Variants in KIF1A observed in about 807,000 individuals in gnomAD.
KIF1A encodes kinesin family member 1A.
In KIF1A, 46 loss-of-function variants were observed where a neutral mutation model predicts 227.3. The ratio of observed to expected loss-of-function variants is 0.20; its 90% CI spans 0.16 to 0.26. The LOEUF (loss-of-function observed/expected upper bound fraction) is 0.26, where lower values mean the gene tolerates loss of function less well. KIF1A is among the 10% of genes least tolerant of loss of function. The pLI is 1.00. For missense variants in KIF1A, 1,683 were observed against 2,485.9 expected (o/e 0.68, Z 6.87); for synonymous variants, 1,022 against 1,012.8 (o/e 1.01, Z -0.17).
At chr2:240,747,693 C>T (rs1575566839) in intron 28 of KIF1A, among the ~76,000 whole-genome samples, 2 of 152,348 alleles carry the variant, frequency 1.3e-5, no homozygotes, top group African/African-American at 4.8e-5. Context: ...GTCCCACCTC[C>T]AGAATCACAA....
At chr2:240,780,446 C>G (rs2053504443) in intron 10 of KIF1A, among the ~76,000 whole-genome samples, 1 of 152,100 alleles carries the variant, frequency 6.6e-6, no homozygotes, top group African/African-American at 2.4e-5. Flanking sequence ...CTTCTCCACA[C>G]AGTCACATTC....
At chr2:240,723,714 T>C (rs1322843559) in intron 41 of KIF1A, among the ~76,000 whole-genome samples, 156 bp from the exon 42 acceptor site, 1 of 152,192 alleles carries the variant, frequency 6.6e-6, no homozygotes, top group Non-Finnish European at 1.5e-5. Context: ...AAGAGCCATG[T>C]AGGCCTCTTC....
chr2:240,759,514 C>T (rs1020056948), intron 25 of KIF1A, among the ~76,000 whole-genome samples: 3 of 152,174 alleles, frequency 2.0e-5, no homozygotes, highest in African/African-American at 4.8e-5. Context: ...TAAGCTGTCT[C>T]CCTGCTCTGC....
In KIF1A at chr2:240,767,321, C is replaced by T. The variant is rs1276695754; in HGVS notation, c.1522G>A (p.Glu508Lys). The change falls in exon 18 of 49, where the codon GAG (glutamate) becomes AAG (lysine). Residue 508 changes from glutamate to lysine, a missense_variant. Physicochemically the swap from Glu to Lys is moderately conservative, Grantham distance 56. Transcript: ENST00000498729. ...AGGCACTCAGACATCAGCGGGTCCT[C>T]GTTCAGGTTGACGAGGTGTGGTGTC... ...KKTPHLVNLN[E>K]DPLMSECLLY... 1.2e-6 allele frequency: 2 copies of T among 1,613,718 alleles called. No individual in the cohort carries two copies. The highest frequency in any genetic ancestry group is 1.7e-5 in the Admixed American group (1 of 60,006).
rs2055590598 is a variant in KIF1A at position 240,790,980 on chromosome 2, CA to C, written c.107-1669del. On this transcript the variant is annotated intron_variant, in intron 2 of 48. Coordinates refer to ENST00000498729, the MANE Select transcript of KIF1A (RefSeq NM_001244008.2). This position sits in a 1 kb window ranked among gnomAD's most constrained non-coding sequence, Gnocchi z 5.0. ...CTGGCCAAGCGTCTTGCTGACAGCA[CA>C]GGCATCACTGGCAGCCTTGTCGCCA... 6.6e-6 allele frequency among the ~76,000 whole-genome samples: 1 copy of C among 152,166 alleles called. No homozygotes were observed.
chr2:240,792,603 C>T lies in KIF1A; in HGVS notation c.107-3291G>A, dbSNP rs1485434389. Reference sequence around the variant, plus strand: ...TGGAATACAGCCGTTTTCTCAGAGTCTCAGCTTTCCTGCGGCCTTGAGCAC... The same window carrying T: ...TGGAATACAGCCGTTTTCTCAGAGTTTCAGCTTTCCTGCGGCCTTGAGCAC... On this transcript the variant is annotated intron_variant, in intron 2 of 48. Coordinates refer to ENST00000498729, the MANE Select transcript of KIF1A (RefSeq NM_001244008.2). This position sits in a 1 kb window ranked among gnomAD's most constrained non-coding sequence, Gnocchi z 4.5. Among the ~76,000 whole-genome samples, 1 of 152,104 alleles carries T rather than the reference C, an allele frequency of 6.6e-6. No homozygotes were observed. Among genetic ancestry groups the T allele is most frequent in the African/African-American group, 2.4e-5 (1 of 41,438 alleles).
In KIF1A at chr2:240,741,387, C is replaced by T. The variant is rs1306068974; in HGVS notation, c.3641-10G>A. The T allele has an allele frequency of 3.9e-6, 6 of 1,537,734 alleles. No individual in the cohort carries two copies. Among genetic ancestry groups the T allele is most frequent in the Non-Finnish European group, 5.2e-6 (6 of 1,144,242 alleles). Reference sequence around the variant, plus strand: ...AGCTTGGTGGCGGGCACTGTAGGGACAGGAGGGAGGCATGCATGGATGGGA... The same window carrying T: ...AGCTTGGTGGCGGGCACTGTAGGGATAGGAGGGAGGCATGCATGGATGGGA... On this transcript the variant is annotated splice_polypyrimidine_tract_variant and intron_variant, in intron 34 of 48. Transcript: ENST00000498729.
chr2:240,747,890 C>T lies in KIF1A; in HGVS notation c.2978-569G>A, dbSNP rs59042063. ...AGCTCTGTCCTGCCATGGTCTGTGA[C>T]AGTCAGCGCCTGCTCATGCAGGAGT... On this transcript the variant is annotated intron_variant, in intron 28 of 48. Transcript: ENST00000498729. Among the ~76,000 whole-genome samples the T allele has an allele frequency of 9.0e-3, 1,375 of 152,370 alleles. 24 individuals carry two copies. The highest frequency in any genetic ancestry group is 0.032 in the African/African-American group (1,314 of 41,588).
At position 240,820,212 on chromosome 2, in the gene KIF1A, T is replaced by C. The variant is rs1240067570; in HGVS notation, c.-151A>G. The C allele has an allele frequency of 6.7e-6, 1 of 149,400 alleles. No individual in the cohort carries two copies. Among genetic ancestry groups the C allele is most frequent in the Admixed American group, 6.7e-5 (1 of 15,018 alleles). The allele number at this position is 149,400 out of a possible 1,614,324, so 9.3% of individuals were successfully genotyped here. On this transcript the variant is annotated 5_prime_UTR_variant, in exon 1 of 49. Coordinates refer to ENST00000498729, the MANE Select transcript of KIF1A (RefSeq NM_001244008.2). This position sits in a 1 kb window ranked among gnomAD's most constrained non-coding sequence, Gnocchi z 6.2. ...AGCTGCTGCCGCTCGCCGGCTGCTC[T>C]GCGCTGTGACGGCGCCGCCGCGTGA...
At chr2:240,729,871 C>T (rs974842484) in intron 38 of KIF1A, among the ~76,000 whole-genome samples, 1 of 152,220 alleles carries the variant, frequency 6.6e-6, no homozygotes, top group Admixed American at 6.5e-5. Flanking sequence ...CCCCCAGGTG[C>T]CAAGATGGCT....
In KIF1A at chr2:240,787,327, G is replaced by C. The variant is rs373047635; in HGVS notation, c.364-11C>G. The C allele has an allele frequency of 1.9e-6, 3 of 1,611,748 alleles. No individual in the cohort carries two copies. The highest frequency in any genetic ancestry group is 2.2e-5 in the South Asian group (2 of 91,042). On this transcript the variant is annotated splice_polypyrimidine_tract_variant and intron_variant, in intron 4 of 48. Coordinates refer to ENST00000498729, the MANE Select transcript of KIF1A (RefSeq NM_001244008.2). Reference sequence around the variant, plus strand: ...GAGGTCCTCGCAGAGCTGCAGGAATGGGGGGACAGTCAGCCAGGGAGGGCT... The same window carrying C: ...GAGGTCCTCGCAGAGCTGCAGGAATCGGGGGACAGTCAGCCAGGGAGGGCT...
At chr2:240,719,993 C>G (rs1431828324) in intron 45 of KIF1A, 67 bp from the exon 46 acceptor site, 6 of 1,496,374 alleles carry the variant, frequency 4.0e-6, no homozygotes, top group African/African-American at 2.8e-5. Context: ...TTCCCCCAGG[C>G]TTCACCCTCC....
chr2:240,795,323 G>C (rs111599195), intron 2 of KIF1A, among the ~76,000 whole-genome samples: 2,047 of 152,296 alleles, frequency 0.013, 54 homozygotes, highest in African/African-American at 0.046. Flanking sequence ...AGGGTGTCTC[G>C]CTTCAGGTTT....
intron 27 of KIF1A, among the ~76,000 whole-genome samples, chr2:240,754,352 G>GGGCTCTCC (rs1553632127): frequency 6.6e-6 from 1 of 151,524 alleles, no homozygotes; most frequent in Admixed American, 6.6e-5. Flanking sequence ...CTAGTGCTGG[G>GGGCTCTCC]TGCTCTCCTC....
At chr2:240,756,980 G>A (rs2049914855) in intron 27 of KIF1A, among the ~76,000 whole-genome samples, 1 of 152,244 alleles carries the variant, frequency 6.6e-6, no homozygotes, top group African/African-American at 2.4e-5. Context: ...GGGTGCCTGA[G>A]CCACTCCGGG....
intron 1 of KIF1A, among the ~76,000 whole-genome samples, chr2:240,819,915 C>T (rs1345882410): frequency 6.6e-6 from 1 of 152,162 alleles, no homozygotes; most frequent in Non-Finnish European, 1.5e-5. Context: ...CCTGAATTTC[C>T]CCCATTGTTC....
At chr2:240,754,511 G>A (rs903067966) in intron 27 of KIF1A, among the ~76,000 whole-genome samples, 5 of 152,214 alleles carry the variant, frequency 3.3e-5, no homozygotes, top group African/African-American at 9.7e-5. Context: ...TCCACTCTGC[G>A]AAGAGCCCAT....
intron 1 of KIF1A, among the ~76,000 whole-genome samples, chr2:240,810,329 A>G (rs2057761606): frequency 6.6e-6 from 1 of 152,246 alleles, no homozygotes; most frequent in Non-Finnish European, 1.5e-5. Context: ...ATGAACTGGC[A>G]ATTTACATGA....
intron 47 of KIF1A, 44 bp downstream of exon 47, chr2:240,718,962 G>A (rs764612407): frequency 2.0e-6 from 3 of 1,525,988 alleles, no homozygotes; most frequent in Non-Finnish European, 2.7e-6. Context: ...CTCCTGCCCT[G>A]CTAGGGTTCC....
Sources: allele counts gnomAD v4.1 joint callset (sites outside exome capture counted in the v4.1 genomes callset), GRCh38; gene constraint gnomAD v4.1.1; non-coding constraint Gnocchi (gnomAD v3.1); transcripts MANE v1.5; gene names NCBI Gene and HGNC (gene_info 2026-07-23, HGNC 2026-07-21).